CFAP77: variants seen among roughly 807,000 people sequenced by gnomAD.
CFAP77 encodes cilia- and flagella-associated protein 77.
A neutral mutation model predicts 31.1 loss-of-function variants in CFAP77; 25 were observed. The ratio of observed to expected loss-of-function variants is 0.80; its 90% confidence interval spans 0.59 to 1.12. The LOEUF (loss-of-function observed/expected upper bound fraction) is 1.12. CFAP77 is among the 50% of genes most tolerant of loss of function. CFAP77 has a pLI of 0.00. For missense variants in CFAP77, 377 were observed against 397.3 expected (o/e 0.95, Z 0.44); for synonymous variants, 151 against 159.9 (o/e 0.94, Z 0.42).
intron 5 of CFAP77, among the ~76,000 whole-genome samples, chr9:132,561,373 C>A (rs137882324): frequency 1.2e-4 from 18 of 151,758 alleles, no homozygotes; most frequent in African/African-American, 1.9e-4. Context: ...TTTCCCCCCC[C>A]AAATCCTCCC....
At chr9:132,523,092 T>C (rs77412648) in intron 3 of CFAP77, among the ~76,000 whole-genome samples, 1,730 of 87,190 alleles carry the variant, frequency 0.02, 37 homozygotes, top group African/African-American at 0.052. Context: ...TTCTTTCTTT[T>C]TTTTTTTTTT....
chr9:132,519,719 G>C (rs1352258519), intron 3 of CFAP77, among the ~76,000 whole-genome samples: 1 of 141,910 alleles, frequency 7.0e-6, no homozygotes, highest in Non-Finnish European at 1.5e-5. Flanking sequence ...TGGGTAGATG[G>C]ATGAATGGAT....
Position 132,459,110 on chromosome 9 carries a change from T to C in CFAP77, c.196-39585T>C, listed in dbSNP as rs1350418312. ...TTTTTGAGACAGAGTCTCGCTCTGT[T>C]GCCCAGGCTGGAGTGCAGTGGCGTT... On this transcript the variant is annotated intron_variant, in intron 1 of 5. Transcript: ENST00000393216. 5.9e-5 allele frequency among the ~76,000 whole-genome samples: 9 copies of C among 151,532 alleles called. No homozygotes were observed. The East Asian group carries it at 9.7e-4, about 16-fold the overall frequency.
chr9:132,507,591 ATC>A (rs1008888826), intron 3 of CFAP77, among the ~76,000 whole-genome samples: 5 of 152,090 alleles, frequency 3.3e-5, no homozygotes, highest in African/African-American at 1.2e-4. Context: ...GTTTTTTTGA[ATC>A]TCTCTGCCAA....
At chr9:132,506,456 G>A (rs1360878505) in intron 3 of CFAP77, among the ~76,000 whole-genome samples, 2 of 152,094 alleles carry the variant, frequency 1.3e-5, no homozygotes, top group Non-Finnish European at 2.9e-5. Flanking sequence ...GGCGGGGAGG[G>A]GAGGAGCAGG....
At chr9:132,422,406 G>T (rs1205374052) in intron 1 of CFAP77, among the ~76,000 whole-genome samples, 1 of 152,200 alleles carries the variant, frequency 6.6e-6, no homozygotes, top group Non-Finnish European at 1.5e-5. Context: ...GCACTCAGAG[G>T]CTAGGGAAGC....
At chr9:132,411,071 C>T (rs1458321763) in intron 1 of CFAP77, among the ~76,000 whole-genome samples, 1 of 152,240 alleles carries the variant, frequency 6.6e-6, no homozygotes, top group Non-Finnish European at 1.5e-5. Context: ...CGGTTTCGGG[C>T]TGGATCACTT....
intron 3 of CFAP77, among the ~76,000 whole-genome samples, chr9:132,505,713 G>A (rs1418861748): frequency 6.6e-6 from 1 of 152,090 alleles, no homozygotes; most frequent in African/African-American, 2.4e-5. Context: ...GCTCTGCCTG[G>A]CTCCTGGGGC....
Position 132,552,692 on chromosome 9 carries a change from T to A in CFAP77, c.732+9645T>A, listed in dbSNP as rs1377238455. Among the ~76,000 whole-genome samples the A allele has an allele frequency of 7.6e-6, 1 of 132,006 alleles. No individual in the cohort carries two copies. The highest frequency in any genetic ancestry group is 3.1e-5 in the African/African-American group (1 of 31,798). 86.6% of individuals were successfully genotyped at this position (132,006 alleles called of 152,430 possible). ...GCCCAGGTGACAGGGTGAGACTCCA[T>A]CTCAAAAAAAAAAAAAAAAAGCAGA... On this transcript the variant is annotated intron_variant, in intron 5 of 5. Transcript: ENST00000393216. The surrounding 1 kb of genome is among the most constrained non-coding windows in gnomAD (Gnocchi z 5.5).
intron 3 of CFAP77, among the ~76,000 whole-genome samples, chr9:132,533,380 C>T (rs1852491285): frequency 6.6e-6 from 1 of 151,956 alleles, no homozygotes; most frequent in Admixed American, 6.5e-5. Context: ...TGGTGGCTTA[C>T]CCAACAGGAA....
chr9:132,512,046 C>G (rs1320009151), intron 3 of CFAP77, among the ~76,000 whole-genome samples: 1 of 151,564 alleles, frequency 6.6e-6, no homozygotes, highest in African/African-American at 2.4e-5. Flanking sequence ...AAAAGCAAAA[C>G]TCTGTTTAAA....
chr9:132,497,978 G>A lies in CFAP77; in HGVS notation c.196-717G>A, dbSNP rs375595586. ...ATGCCCTGCCCAGCGCTTGGGGGCC[G>A]GGGATATCGACCCTGCCTCTCTAGG... On this transcript the variant is annotated intron_variant, in intron 1 of 5. Transcript: ENST00000393216. This position sits in a 1 kb window ranked among gnomAD's most constrained non-coding sequence, Gnocchi z 4.9. Among the ~76,000 whole-genome samples the A allele has an allele frequency of 2.6e-5, 4 of 152,268 alleles. No homozygotes were observed. Among genetic ancestry groups the A allele is most frequent in the Non-Finnish European group, 4.4e-5 (3 of 68,030 alleles).
intron 1 of CFAP77, among the ~76,000 whole-genome samples, chr9:132,473,680 C>T (rs1851300303): frequency 6.6e-6 from 1 of 152,104 alleles, no homozygotes; most frequent in South Asian, 2.1e-4. Flanking sequence ...TGTCGCTGAC[C>T]TTGGAGTTCT....
chr9:132,431,352 A>G (rs1055628555), intron 1 of CFAP77, among the ~76,000 whole-genome samples: 12 of 152,230 alleles, frequency 7.9e-5, no homozygotes, highest in African/African-American at 2.9e-4. Context: ...TGTCCAAGGC[A>G]CACCTCAGAA....
intron 1 of CFAP77, among the ~76,000 whole-genome samples, chr9:132,434,354 G>T (rs1307697566): frequency 6.6e-6 from 1 of 151,990 alleles, no homozygotes; most frequent in Non-Finnish European, 1.5e-5. Context: ...CAGGAACCAG[G>T]TCTTTTTAAA....
chr9:132,515,326 G>T (rs549832347), intron 3 of CFAP77, among the ~76,000 whole-genome samples: 1 of 152,260 alleles, frequency 6.6e-6, no homozygotes, highest in East Asian at 1.9e-4. Flanking sequence ...CTGTGTCTTT[G>T]GGTCCAGGGC....
intron 3 of CFAP77, among the ~76,000 whole-genome samples, chr9:132,522,221 C>G (rs10751493): frequency 0.44 from 66,532 of 151,570 alleles, 15,150 homozygotes; most frequent in East Asian, 0.77. Context: ...TCTATGTGCA[C>G]CTGGCTTGCT....
chr9:132,475,167 C>G (rs116773836), intron 1 of CFAP77, among the ~76,000 whole-genome samples: 2 of 152,160 alleles, frequency 1.3e-5, no homozygotes, highest in Admixed American at 6.5e-5. Context: ...GGTCTTCCAG[C>G]GAGAAGAAAC....
intron 3 of CFAP77, among the ~76,000 whole-genome samples, chr9:132,502,686 C>G (rs558199125): frequency 1.3e-4 from 20 of 152,320 alleles, no homozygotes; most frequent in South Asian, 4.1e-4. Flanking sequence ...GAGCAATGTT[C>G]CCTGTCACTC....
Sources: gnomAD v4.1 joint callset for allele counts (sites outside exome capture counted in the v4.1 genomes callset) on GRCh38, gnomAD v4.1.1 for gene constraint, Gnocchi (gnomAD v3.1) non-coding constraint, MANE v1.5 for transcripts, NCBI Gene and HGNC (gene_info 2026-07-23, HGNC 2026-07-21) for gene names.